Variants in TGM3 observed in about 807,000 individuals in gnomAD.
TGM3 encodes the protein protein-glutamine gamma-glutamyltransferase E.
Under a neutral mutation model 73.8 loss-of-function variants are expected in TGM3, and 52 were observed. That is an observed-to-expected ratio of 0.70 (90% CI 0.56 to 0.89). The LOEUF is 0.89. Ranked by LOEUF, TGM3 falls within the 40% of genes least tolerant of loss-of-function variation. The probability of loss-of-function intolerance (pLI) is 0.00; values close to 1 mark genes in which losing one functional copy is unlikely to be tolerated. For missense variants in TGM3, 928 were observed against 909.9 expected (o/e 1.02, Z -0.26); for synonymous variants, 372 against 354.9 (o/e 1.05, Z -0.54).
At chr20:2,308,481 T>C (rs895734256) in intron 1 of TGM3, among the ~76,000 whole-genome samples, 1 of 152,162 alleles carries the variant, frequency 6.6e-6, no homozygotes, top group Non-Finnish European at 1.5e-5. Context: ...TAAACCCTTC[T>C]CAGTTTAGCT....
intron 1 of TGM3, among the ~76,000 whole-genome samples, chr20:2,297,188 T>C (rs1023353051): frequency 5.9e-5 from 9 of 152,196 alleles, no homozygotes; most frequent in African/African-American, 2.2e-4. Flanking sequence ...GGGTGGAACC[T>C]TACACACAGT....
intron 4 of TGM3, 147 bp downstream of exon 4, chr20:2,311,276 A>C (rs765460635): frequency 3.0e-6 from 2 of 671,024 alleles, no homozygotes; most frequent in Non-Finnish European, 5.3e-6. Flanking sequence ...TTCATTGGCC[A>C]CCTATTATGT....
chr20:2,310,938 G>A, intron 3 of TGM3, 73 bp from the exon 4 acceptor site: 1 of 1,362,084 alleles, frequency 7.3e-7, no homozygotes, highest in Non-Finnish European at 1.0e-6. Flanking sequence ...TCAGGAGTGG[G>A]AGGAGAGGAG....
At chr20:2,329,661 C>T (rs535216966) in intron 9 of TGM3, among the ~76,000 whole-genome samples, 13 of 151,972 alleles carry the variant, frequency 8.6e-5, no homozygotes, top group Non-Finnish European at 1.5e-4. Flanking sequence ...AGCAAAAACT[C>T]GGGGGCGGAA....
At chr20:2,305,672 G>T (rs2084173035) in intron 1 of TGM3, among the ~76,000 whole-genome samples, 1 of 152,210 alleles carries the variant, frequency 6.6e-6, no homozygotes, top group African/African-American at 2.4e-5. Flanking sequence ...CAGGGAGCAA[G>T]GCTCGTTGGT....
chr20:2,310,476 A>AT, intron 3 of TGM3, 59 bp downstream of exon 3: 1 of 1,587,890 alleles, frequency 6.3e-7, no homozygotes. Context: ...GAAAAAGGGG[A>AT]TGGGGGAAAT....
intron 5 of TGM3, among the ~76,000 whole-genome samples, 160 bp downstream of exon 5, chr20:2,313,186 G>C (rs988956739): frequency 1.3e-5 from 2 of 152,164 alleles, no homozygotes; most frequent in Admixed American, 1.3e-4. Context: ...GGAGCACAAG[G>C]CCCCTCTAAG....
rs1026098057 is a variant in TGM3, at chr20:2,328,935, C to T, written c.1333+570C>T. 6.6e-5 allele frequency among the ~76,000 whole-genome samples: 10 copies of T among 152,216 alleles called. No homozygotes were observed. Among genetic ancestry groups the T allele is most frequent in the African/African-American group, 2.4e-4 (10 of 41,466 alleles). ...GCTACATTGCTCGTCCCCCTGAAGT[C>T]ACCTTGGAAAGCCAGTTGCTGCGAG... On this transcript the variant is annotated intron_variant, in intron 9 of 12. Coordinates refer to ENST00000381458, the MANE Select transcript of TGM3 (RefSeq NM_003245.4). The surrounding 1 kb of genome is among the most constrained non-coding windows in gnomAD (Gnocchi z 5.2).
intron 4 of TGM3, 52 bp downstream of exon 4, chr20:2,311,181 TCAGCAGCTTGC>T: frequency 6.8e-7 from 1 of 1,463,192 alleles, no homozygotes; most frequent in Non-Finnish European, 9.6e-7. Context: ...CCCAAGAAGC[TCAGCAGCTTGC>T]CCCACAGATC....
At chr20:2,304,426 C>T (rs1218583198) in intron 1 of TGM3, among the ~76,000 whole-genome samples, 5 of 152,292 alleles carry the variant, frequency 3.3e-5, no homozygotes, top group South Asian at 2.1e-4. Flanking sequence ...CCCCTGAAGA[C>T]GGCTCTTTTG....
At chr20:2,333,132 C>A (rs1036963410) in intron 10 of TGM3, among the ~76,000 whole-genome samples, 1 of 152,156 alleles carries the variant, frequency 6.6e-6, no homozygotes, top group East Asian at 1.9e-4. Flanking sequence ...GACTTACAAG[C>A]CGGATTAACA....
chr20:2,333,583 A>T (rs538474237), intron 10 of TGM3, among the ~76,000 whole-genome samples: 1 of 152,080 alleles, frequency 6.6e-6, no homozygotes, highest in Admixed American at 6.5e-5. Context: ...TTTTGTAGAG[A>T]TAGGGTCTCA....
At chr20:2,320,302 G>A (rs2084255896) in intron 7 of TGM3, among the ~76,000 whole-genome samples, 1 of 152,202 alleles carries the variant, frequency 6.6e-6, no homozygotes, top group African/African-American at 2.4e-5. Context: ...CTAATAATTT[G>A]TTGAGCAGTT....
chr20:2,321,458 G>A (rs758569793), intron 7 of TGM3, among the ~76,000 whole-genome samples: 1 of 152,120 alleles, frequency 6.6e-6, no homozygotes, highest in Non-Finnish European at 1.5e-5. Context: ...AGGACAAATG[G>A]GAGTTTACCT....
intron 1 of TGM3, among the ~76,000 whole-genome samples, chr20:2,299,955 A>G (rs214777): frequency 0.98 from 149,548 of 152,178 alleles, 73,493 homozygotes; most frequent in East Asian, 1. Context: ...AATTAGTGGG[A>G]CATGCTGGCA....
intron 10 of TGM3, among the ~76,000 whole-genome samples, chr20:2,333,998 C>G (rs1376537724): frequency 6.6e-6 from 1 of 152,168 alleles, no homozygotes; most frequent in Non-Finnish European, 1.5e-5. Context: ...CACAGTCTTA[C>G]CTACAAGAGT....
rs1187254965 is a variant in TGM3 at position 2,334,781 on chromosome 20, A to T, written c.1643-335A>T. Reference sequence around the variant, plus strand: ...CAACATAGAGAGACCCCATCTCTACAAATAATTTAAAAAATTTTAAAAAAA... The same window carrying T: ...CAACATAGAGAGACCCCATCTCTACTAATAATTTAAAAAATTTTAAAAAAA... On this transcript the variant is annotated intron_variant, in intron 10 of 12. Transcript: ENST00000381458. This position sits in a 1 kb window ranked among gnomAD's most constrained non-coding sequence, Gnocchi z 4.0. Among the ~76,000 whole-genome samples the T allele has an allele frequency of 2.6e-5, 4 of 152,144 alleles. No homozygotes were observed. The highest frequency in any genetic ancestry group is 5.9e-5 in the Non-Finnish European group (4 of 68,018).
chr20:2,317,327 C>T (rs774929160), intron 6 of TGM3, 23 bp from the exon 7 acceptor site: 2 of 1,614,064 alleles, frequency 1.2e-6, no homozygotes, highest in Admixed American at 1.7e-5. Context: ...CACCTGAGTC[C>T]TCACGCCCAC....
chr20:2,302,323 TC>T (rs2084152622), intron 1 of TGM3, among the ~76,000 whole-genome samples: 1 of 152,084 alleles, frequency 6.6e-6, no homozygotes, highest in Non-Finnish European at 1.5e-5. Flanking sequence ...CAGTCTGGAG[TC>T]TTTCTCTGTG....
Sources: gnomAD v4.1 joint callset for allele counts (sites outside exome capture counted in the v4.1 genomes callset) on GRCh38, gnomAD v4.1.1 for gene constraint, Gnocchi (gnomAD v3.1) non-coding constraint, MANE v1.5 for transcripts, NCBI Gene and HGNC (gene_info 2026-07-23, HGNC 2026-07-21) for gene names.